The following CNTN5 variants were observed in gnomAD, a reference collection of about 807,000 sequenced individuals.
CNTN5 encodes contactin-5.
CNTN5 carries 77 observed loss-of-function variants against 129.1 expected under a neutral mutation model. The ratio of observed to expected loss-of-function variants is 0.60; its 90% CI spans 0.50 to 0.72. CNTN5 has a LOEUF of 0.72. Among genes scored for constraint, CNTN5 ranks in the 30% least tolerant of loss-of-function variants. The pLI, the probability that CNTN5 is intolerant of heterozygous loss-of-function variation, is 0.00. For missense variants in CNTN5, 1,478 were observed against 1,328.8 expected (o/e 1.11, Z -1.75); for synonymous variants, 509 against 465.6 (o/e 1.09, Z -1.20).
intron 3 of CNTN5, among the ~76,000 whole-genome samples, chr11:99,559,505 C>T (rs1218335571): frequency 7.2e-5 from 11 of 152,056 alleles, no homozygotes. Flanking sequence ...TATATTGCTA[C>T]AGATATCAAA....
intron 3 of CNTN5, among the ~76,000 whole-genome samples, chr11:99,805,583 C>T (rs567171525): frequency 1.6e-4 from 24 of 152,272 alleles, no homozygotes; most frequent in South Asian, 1.4e-3. Context: ...GCTCCCCACC[C>T]TCCAGGGGAA....
chr11:99,515,425 G>A (rs1947009778), intron 2 of CNTN5, among the ~76,000 whole-genome samples: 1 of 152,024 alleles, frequency 6.6e-6, no homozygotes, highest in South Asian at 2.1e-4. Flanking sequence ...CATTGTTGTA[G>A]TATTAGGTAA....
intron 6 of CNTN5, among the ~76,000 whole-genome samples, chr11:99,908,452 T>C (rs1360620925): frequency 6.6e-6 from 1 of 152,102 alleles, no homozygotes; most frequent in African/African-American, 2.4e-5. Flanking sequence ...CACATTTTTC[T>C]TTTTAATGCT....
chr11:100,163,817 G>C (rs1947534501), intron 13 of CNTN5, among the ~76,000 whole-genome samples: 1 of 151,778 alleles, frequency 6.6e-6, no homozygotes, highest in Non-Finnish European at 1.5e-5. Context: ...ATATTTCTGA[G>C]TGAAAACAAT....
chr11:99,820,860 G>A (rs1003523595), intron 4 of CNTN5, among the ~76,000 whole-genome samples: 17 of 152,138 alleles, frequency 1.1e-4, no homozygotes, highest in Admixed American at 8.5e-4. Context: ...GATACATCTC[G>A]AAGGAACTAA....
At chr11:99,786,246 C>G (rs1240625848) in intron 3 of CNTN5, among the ~76,000 whole-genome samples, 2 of 152,168 alleles carry the variant, frequency 1.3e-5, no homozygotes, top group East Asian at 3.9e-4. Flanking sequence ...TAGTGAACTC[C>G]CATTCACAAC....
At chr11:100,279,147 T>G (rs150197990) in intron 18 of CNTN5, among the ~76,000 whole-genome samples, 1 of 152,070 alleles carries the variant, frequency 6.6e-6, no homozygotes, top group African/African-American at 2.4e-5. Flanking sequence ...ATCCCAGGGA[T>G]AAATTCCACT....
intron 1 of CNTN5, among the ~76,000 whole-genome samples, chr11:99,224,588 C>T (rs1377661188): frequency 6.6e-6 from 1 of 150,978 alleles, no homozygotes; most frequent in Non-Finnish European, 1.5e-5. Context: ...ATTGTGCCAG[C>T]TGGTGAGAAT....
At chr11:99,845,877 T>C (rs1346722846) in intron 6 of CNTN5, among the ~76,000 whole-genome samples, 1 of 152,144 alleles carries the variant, frequency 6.6e-6, no homozygotes, top group Non-Finnish European at 1.5e-5. Flanking sequence ...AAAAAAATGA[T>C]AATCCAAATT....
chr11:99,504,476 G>A (rs1946541258), intron 2 of CNTN5, among the ~76,000 whole-genome samples: 1 of 150,092 alleles, frequency 6.7e-6, no homozygotes, highest in African/African-American at 2.5e-5. Context: ...GGGAGGCGGA[G>A]GGTGCAGTGA....
At chr11:100,051,347 T>G (rs114879034) in intron 9 of CNTN5, among the ~76,000 whole-genome samples, 1 of 151,998 alleles carries the variant, frequency 6.6e-6, no homozygotes, top group African/African-American at 2.4e-5. Context: ...AAAGAATACT[T>G]TAAAAATCAC....
At chr11:99,877,657 A>AT (rs1437672678) in intron 6 of CNTN5, among the ~76,000 whole-genome samples, 1 of 152,166 alleles carries the variant, frequency 6.6e-6, no homozygotes, top group African/African-American at 2.4e-5. Flanking sequence ...AGAAAGGGTA[A>AT]TTTTAACATA....
At chr11:99,824,800 A>G (rs997362597) in intron 4 of CNTN5, among the ~76,000 whole-genome samples, 6 of 152,118 alleles carry the variant, frequency 3.9e-5, no homozygotes, top group African/African-American at 1.4e-4. Context: ...AGTGGTATGT[A>G]TTAACCAATG....
rs58347564 is a variant in CNTN5, at chr11:100,213,972, G to T, written c.1885-10720G>T. On this transcript the variant is annotated intron_variant, in intron 15 of 24. Transcript: ENST00000524871. ...CTTGGCAAAAGAATACTCAGTATTTGGTCTTAAAGCACATAGTTGAAATAA... is the reference window on the plus strand; with the variant it reads ...CTTGGCAAAAGAATACTCAGTATTTTGTCTTAAAGCACATAGTTGAAATAA... Among the ~76,000 whole-genome samples, 539 of 152,082 alleles carry T rather than the reference G, an allele frequency of 3.5e-3. 8 individuals are homozygous for T. In the East Asian group the frequency reaches 0.044, roughly 12 times the overall value.
intron 8 of CNTN5, among the ~76,000 whole-genome samples, chr11:99,983,801 G>C (rs1938502731): frequency 2.0e-5 from 3 of 152,110 alleles, no homozygotes. Flanking sequence ...TATTGGCCTG[G>C]GGGTTCAAAG....
chr11:100,329,168 T>A (rs1051424958), intron 21 of CNTN5, among the ~76,000 whole-genome samples: 1 of 152,118 alleles, frequency 6.6e-6, no homozygotes, highest in Non-Finnish European at 1.5e-5. Context: ...TTTTCCCTAC[T>A]TCCCTGGTGA....
At chr11:99,104,080 A>T (rs1300428394) in intron 1 of CNTN5, among the ~76,000 whole-genome samples, 2 of 152,212 alleles carry the variant, frequency 1.3e-5, no homozygotes, top group Admixed American at 6.5e-5. Flanking sequence ...AAATGCATAG[A>T]AACAAACATT....
At chr11:100,006,325 T>C (rs1199038841) in intron 9 of CNTN5, among the ~76,000 whole-genome samples, 1 of 152,126 alleles carries the variant, frequency 6.6e-6, no homozygotes, top group Non-Finnish European at 1.5e-5. Context: ...ATAAGGTTTG[T>C]CACATTGATT....
At chr11:100,045,625 G>T (rs1406240151) in intron 9 of CNTN5, among the ~76,000 whole-genome samples, 1 of 151,246 alleles carries the variant, frequency 6.6e-6, no homozygotes, top group Non-Finnish European at 1.5e-5. Context: ...CTGACAAAAA[G>T]AAGTCATTTT....
Sources: allele counts gnomAD v4.1 joint callset (sites outside exome capture counted in the v4.1 genomes callset), GRCh38; gene constraint gnomAD v4.1.1; transcripts MANE v1.5; gene names NCBI Gene and HGNC (gene_info 2026-07-23, HGNC 2026-07-21).